TMEM132B: variants seen among roughly 807,000 people sequenced by gnomAD.
TMEM132B encodes transmembrane protein 132B.
In TMEM132B, 18 loss-of-function variants were observed where a neutral mutation model predicts 90.8. The observed-to-expected ratio is 0.20, with a 90% confidence interval of 0.14 to 0.29. The LOEUF (loss-of-function observed/expected upper bound fraction) is 0.29. Ranked by LOEUF, TMEM132B falls within the 10% of genes least tolerant of loss-of-function variation. The pLI is 1.00. For synonymous variants in TMEM132B, 504 were observed against 523.3 expected, an observed-to-expected ratio of 0.96 and a Z score of 0.50; for missense variants, 1,096 against 1,326.8, an observed-to-expected ratio of 0.83 and a Z score of 2.70.
At chr12:125,551,390 A>G (rs1040853737) in intron 4 of TMEM132B, among the ~76,000 whole-genome samples, 8 of 152,184 alleles carry the variant, frequency 5.3e-5, no homozygotes, top group African/African-American at 1.9e-4. Context: ...CTAGCTTACA[A>G]TAAAACCCTT....
At chr12:125,200,054 C>T (rs758437207) in intron 1 of TMEM132B, among the ~76,000 whole-genome samples, 5 of 152,122 alleles carry the variant, frequency 3.3e-5, no homozygotes, top group African/African-American at 4.8e-5. Context: ...GTAAATCCCT[C>T]GGCAGGAAGT....
intron 1 of TMEM132B, among the ~76,000 whole-genome samples, chr12:125,309,515 T>A (rs886563851): frequency 1.3e-5 from 2 of 152,164 alleles, no homozygotes; most frequent in East Asian, 3.9e-4. Flanking sequence ...CCAGGCTCTG[T>A]CCTAGGCAGG....
Position 125,310,233 on chromosome 12 carries a change from A to G in TMEM132B, c.68-39219A>G, listed in dbSNP as rs115511502. 4.6e-3 allele frequency among the ~76,000 whole-genome samples: 695 copies of G among 152,222 alleles called. 5 individuals carry two copies. The highest frequency in any genetic ancestry group is 0.016 in the African/African-American group (662 of 41,522). ...ATCTACTGGTGTGACCCTCTGGAAG[A>G]CACCATCCACCACAAGCTGTGCAAA... On this transcript the variant is annotated intron_variant, in intron 1 of 8. Transcript: ENST00000682704.
intron 1 of TMEM132B, among the ~76,000 whole-genome samples, chr12:125,269,692 T>C (rs1001439529): frequency 1.3e-5 from 2 of 152,198 alleles, no homozygotes; most frequent in Non-Finnish European, 2.9e-5. Context: ...ACTTAAATCC[T>C]ATGTGTTAGG....
chr12:125,303,299 C>T (rs1257279742), intron 1 of TMEM132B, among the ~76,000 whole-genome samples: 1 of 152,160 alleles, frequency 6.6e-6, no homozygotes. Flanking sequence ...TTTCCAGGCT[C>T]ATGCGTGTTA....
At chr12:125,404,098 G>A (rs1449087158) in intron 2 of TMEM132B, among the ~76,000 whole-genome samples, 4 of 152,130 alleles carry the variant, frequency 2.6e-5, no homozygotes, top group African/African-American at 7.2e-5. Context: ...TAATGGAACT[G>A]GAGGTAACAT....
intron 1 of TMEM132B, among the ~76,000 whole-genome samples, chr12:125,202,633 C>A (rs1873089262): frequency 6.6e-6 from 1 of 152,218 alleles, no homozygotes; most frequent in Non-Finnish European, 1.5e-5. Context: ...CAGTGAGTAA[C>A]AATCTCTGAT....
chr12:125,387,026 A>C (rs1878855020), intron 2 of TMEM132B, among the ~76,000 whole-genome samples: 2 of 152,146 alleles, frequency 1.3e-5, no homozygotes, highest in South Asian at 4.1e-4. Flanking sequence ...ACTGAGGTAC[A>C]GGGGAGATGT....
intron 6 of TMEM132B, among the ~76,000 whole-genome samples, chr12:125,645,061 C>CA (rs148179158): frequency 0.32 from 47,768 of 150,492 alleles, 8,382 homozygotes; most frequent in African/African-American, 0.44. Context: ...ACTAAAAATC[C>CA]AAAAAAAATA....
intron 3 of TMEM132B, among the ~76,000 whole-genome samples, chr12:125,422,082 T>C (rs1880184831): frequency 6.6e-6 from 1 of 152,268 alleles, no homozygotes; most frequent in Non-Finnish European, 1.5e-5. Context: ...TTTGTCCATT[T>C]CTTATTTTAT....
intron 3 of TMEM132B, among the ~76,000 whole-genome samples, chr12:125,507,134 C>T (rs926334321): frequency 8.5e-5 from 13 of 152,084 alleles, no homozygotes; most frequent in Non-Finnish European, 1.3e-4. Flanking sequence ...GGGTTGGACA[C>T]GAATAAGACC....
At chr12:125,527,162 C>T (rs1883494660) in intron 4 of TMEM132B, among the ~76,000 whole-genome samples, 1 of 143,676 alleles carries the variant, frequency 7.0e-6, no homozygotes, top group African/African-American at 2.6e-5. Flanking sequence ...ATCCACCCAT[C>T]CACCCATCCA....
intron 1 of TMEM132B, among the ~76,000 whole-genome samples, chr12:125,348,523 C>G (rs1877443722): frequency 6.9e-6 from 1 of 144,522 alleles, no homozygotes. Context: ...TTTGTAGAGA[C>G]AGGGTCTCAC....
At chr12:125,286,835 C>G (rs1875370887) in intron 1 of TMEM132B, among the ~76,000 whole-genome samples, 2 of 152,088 alleles carry the variant, frequency 1.3e-5, no homozygotes, top group Admixed American at 6.6e-5. Flanking sequence ...TACCGAGTAG[C>G]TGGGACTACA....
At chr12:125,283,664 C>A (rs767271508) in intron 1 of TMEM132B, among the ~76,000 whole-genome samples, 5 of 152,220 alleles carry the variant, frequency 3.3e-5, no homozygotes, top group Non-Finnish European at 5.9e-5. Flanking sequence ...AACAATTTAG[C>A]CTCCGAGTAG....
At chr12:125,574,958 C>A (rs1234020825) in intron 4 of TMEM132B, among the ~76,000 whole-genome samples, 1 of 148,750 alleles carries the variant, frequency 6.7e-6, no homozygotes, top group African/African-American at 2.5e-5. Context: ...TTTCACTATG[C>A]AGTGGCTTTC....
Position 125,332,590 on chromosome 12 carries a change from T to C in TMEM132B, c.68-16862T>C, listed in dbSNP as rs1369839645. Among the ~76,000 whole-genome samples, 73 of 34,650 alleles carry C rather than the reference T, an allele frequency of 2.1e-3. No individual in the cohort carries two copies. In the African/African-American group the frequency reaches 0.023, roughly 11 times the overall value. The allele number at this position is 34,650 out of a possible 152,430, so 22.7% of individuals were successfully genotyped here. A position where few individuals can be genotyped will look rare whatever the true frequency, so the allele number is the denominator to read the frequency against. On this transcript the variant is annotated intron_variant, in intron 1 of 8. Transcript: ENST00000682704. ...ATTAATTCAGAGAGTTGGCTTTTTTTTTTTTTTTTTTTTTTTTTTTTTTTT... is the reference window on the plus strand; with the variant it reads ...ATTAATTCAGAGAGTTGGCTTTTTTCTTTTTTTTTTTTTTTTTTTTTTTTT...
intron 1 of TMEM132B, among the ~76,000 whole-genome samples, chr12:125,211,080 AT>A (rs55792335): frequency 0.25 from 37,695 of 151,294 alleles, 5,756 homozygotes; most frequent in East Asian, 0.37. Flanking sequence ...AAAAAAAAAA[AT>A]GTGAAAACAA....
intron 3 of TMEM132B, among the ~76,000 whole-genome samples, chr12:125,447,282 GTTTTTTTTT>G (rs1881030797): frequency 6.7e-6 from 1 of 148,998 alleles, no homozygotes; most frequent in African/African-American, 2.5e-5. Flanking sequence ...ATTTATTTCT[GTTTTTTTTT>G]GAATTAAATG....
Sources: allele counts gnomAD v4.1 joint callset (sites outside exome capture counted in the v4.1 genomes callset), GRCh38; gene constraint gnomAD v4.1.1; transcripts MANE v1.5; gene names NCBI Gene and HGNC (gene_info 2026-07-23, HGNC 2026-07-21).